Variants in MYO3A observed in about 807,000 individuals in gnomAD.
The protein encoded by MYO3A is myosin IIIA, also known as myosin-IIIa.
Under a neutral mutation model 192.7 loss-of-function variants are expected in MYO3A, and 180 were observed. The ratio of observed to expected loss-of-function variants is 0.93; its 90% confidence interval spans 0.83 to 1.06. MYO3A has a LOEUF of 1.06. MYO3A is among the 50% of genes least tolerant of loss of function. The probability of loss-of-function intolerance (pLI) is 0.00; values close to 1 mark genes in which losing one functional copy is unlikely to be tolerated. For missense variants in MYO3A, 1,896 were observed against 1,905.0 expected, an observed-to-expected ratio of 1.00 and a Z score of 0.09; for synonymous variants, 628 against 645.3, an observed-to-expected ratio of 0.97 and a Z score of 0.41.
At chr10:25,954,113 CT>C (rs1011883842) in intron 3 of MYO3A, among the ~76,000 whole-genome samples, 2 of 152,054 alleles carry the variant, frequency 1.3e-5, no homozygotes, top group African/African-American at 4.8e-5. Context: ...CAGGGCTTAA[CT>C]TTATGCCTTT....
chr10:26,204,759 G>T (rs1843833072), intron 34 of MYO3A, among the ~76,000 whole-genome samples: 1 of 152,220 alleles, frequency 6.6e-6, no homozygotes, highest in African/African-American at 2.4e-5. Context: ...TGAAGAAGGG[G>T]TGGATAGAAT....
intron 15 of MYO3A, among the ~76,000 whole-genome samples, chr10:26,095,966 A>G (rs747769759): frequency 2.0e-5 from 3 of 152,200 alleles, no homozygotes; most frequent in African/African-American, 2.4e-5. Flanking sequence ...GAAACACATG[A>G]CCACCTCAGG....
chr10:26,180,330 C>T (rs1352363768), intron 31 of MYO3A, among the ~76,000 whole-genome samples: 2 of 152,154 alleles, frequency 1.3e-5, no homozygotes, highest in African/African-American at 2.4e-5. Context: ...ATGTAAAACT[C>T]TTACTAAACC....
At chr10:26,070,049 A>G in intron 12 of MYO3A, 62 bp from the exon 13 acceptor site, 1 of 1,226,308 alleles carries the variant, frequency 8.2e-7, no homozygotes, top group Admixed American at 2.0e-5. Flanking sequence ...TATATTTGTA[A>G]ATAATTCAGG....
intron 20 of MYO3A, among the ~76,000 whole-genome samples, chr10:26,130,044 AC>A (rs1453117474): frequency 6.6e-6 from 1 of 151,862 alleles, no homozygotes; most frequent in African/African-American, 2.4e-5. Context: ...TTTAGCCTTA[AC>A]CAAGGTACAG....
intron 14 of MYO3A, among the ~76,000 whole-genome samples, chr10:26,084,954 T>C (rs1179670925): frequency 6.6e-6 from 1 of 152,194 alleles, no homozygotes; most frequent in Non-Finnish European, 1.5e-5. Context: ...TTGTTTTTGG[T>C]CTGTTCAGGC....
chr10:26,145,749 G>A (rs1840425478), intron 22 of MYO3A, among the ~76,000 whole-genome samples: 1 of 152,012 alleles, frequency 6.6e-6, no homozygotes, highest in South Asian at 2.1e-4. Flanking sequence ...CCCACTCCAG[G>A]GCATGCGCTT....
rs986809694 is a variant in MYO3A, at chr10:26,007,256, C to T, written c.509-9564C>T. On this transcript the variant is annotated intron_variant, in intron 6 of 34. Coordinates refer to ENST00000642920, the MANE Select transcript of MYO3A (RefSeq NM_017433.5). ...TCAAAATAATAAGAGCTATCTATGA[C>T]AAACCCACAGCCAATATCATACTGA... 2.0e-5 allele frequency among the ~76,000 whole-genome samples: 3 copies of T among 150,624 alleles called. No homozygotes were observed. In the South Asian group the frequency reaches 6.3e-4, roughly 31 times the overall value.
chr10:26,039,207 ATTTTTTTTTTTTT>A (rs34416918), intron 10 of MYO3A, among the ~76,000 whole-genome samples: 30 of 106,846 alleles, frequency 2.8e-4, no homozygotes, highest in African/African-American at 1.2e-3. Context: ...GGCTCGGCTA[ATTTTTTTTTTTTT>A]TTTTTTTTTT....
chr10:26,062,530 A>AAAAAAAACAAAAAAAACAAAAAAAAACG (rs1554816581), intron 10 of MYO3A, among the ~76,000 whole-genome samples: 62 of 125,994 alleles, frequency 4.9e-4, no homozygotes, highest in Non-Finnish European at 7.5e-4. Context: ...AAAAAAAAAA[A>AAAAAAAACAAAAAAAACAAAAAAAAACG]AAATTATGGA....
In MYO3A at chr10:26,170,494, C is replaced by G; in HGVS notation, c.3353C>G (p.Thr1118Ser). 1.2e-6 allele frequency: 2 copies of G among 1,613,200 alleles called. No homozygotes were observed. The highest frequency in any genetic ancestry group is 1.7e-6 in the Non-Finnish European group (2 of 1,179,602). The change falls in exon 29 of 35, where the codon ACT (threonine) becomes AGT (serine). Residue 1118 changes from threonine (T) to serine (S), a missense_variant. By Grantham distance (58) the Thr-to-Ser change is moderately conservative (BLOSUM62 1). Coordinates refer to ENST00000642920, the MANE Select transcript of MYO3A (RefSeq NM_017433.5). ...MKNTAVTTIQTSDQEFDYKKN... is the reference protein window; with the variant it reads ...MKNTAVTTIQSSDQEFDYKKN... The stretch of plus-strand genomic sequence containing the variant: ...AACACAGCAGTAACAACCATTCAAA[C>G]TTCTGATCAGGAATTCGACTACAAG...
At chr10:26,118,452 C>T (rs942839320) in intron 17 of MYO3A, among the ~76,000 whole-genome samples, 5 of 152,080 alleles carry the variant, frequency 3.3e-5, no homozygotes, top group African/African-American at 1.2e-4. Context: ...CTGTTATATC[C>T]AAGCCACTGT....
chr10:26,062,530 A>AAAAAAAAAAAAAAACG lies in MYO3A; in HGVS notation c.954-4442_954-4441insAAAAAAAAAAACGAAA, dbSNP rs1554816581. ...GATGCCATCTCAAAAAAAAAAAAAA[A>AAAAAAAAAAAAAAACG]AAATTATGGAGGAATCTAATTAAGA... is the stretch of plus-strand genomic sequence containing the variant. On this transcript the variant is annotated intron_variant, in intron 10 of 34. Transcript: ENST00000642920. Among the ~76,000 whole-genome samples, 72 of 125,988 alleles carry AAAAAAAAAAAAAAACG rather than the reference A, an allele frequency of 5.7e-4. 1 individual carries two copies. Among genetic ancestry groups the AAAAAAAAAAAAAAACG allele is most frequent in the African/African-American group, 9.2e-4 (32 of 34,970 alleles). 82.7% of individuals were successfully genotyped at this position (125,988 alleles called of 152,430 possible).
At chr10:26,067,101 A>G in intron 11 of MYO3A, 27 bp downstream of exon 11, 4 of 1,432,072 alleles carry the variant, frequency 2.8e-6, no homozygotes, top group Non-Finnish European at 3.9e-6. Context: ...AATTAAACTT[A>G]GACATTCCAG....
chr10:26,146,177 T>C (rs535278102), intron 22 of MYO3A, among the ~76,000 whole-genome samples: 4 of 152,338 alleles, frequency 2.6e-5, no homozygotes, highest in Non-Finnish European at 5.9e-5. Flanking sequence ...AGATTTGTTG[T>C]CCTAGACCCA....
At chr10:25,967,180 A>G (rs923713813) in intron 4 of MYO3A, among the ~76,000 whole-genome samples, 1 of 152,252 alleles carries the variant, frequency 6.6e-6, no homozygotes, top group Non-Finnish European at 1.5e-5. Flanking sequence ...ACATAAAAAT[A>G]TTTAACTGAA....
chr10:26,082,507 T>C (rs1836023817), intron 14 of MYO3A, among the ~76,000 whole-genome samples: 1 of 152,192 alleles, frequency 6.6e-6, no homozygotes, highest in South Asian at 2.1e-4. Flanking sequence ...ACAGGTAGGA[T>C]CATGTTATCT....
intron 31 of MYO3A, among the ~76,000 whole-genome samples, chr10:26,180,713 CA>C (rs35539016): frequency 0.23 from 31,078 of 133,104 alleles, 3,658 homozygotes; most frequent in African/African-American, 0.35. Flanking sequence ...GAAATAATAG[CA>C]AAAAAAAAAA....
chr10:26,147,465 CAG>C lies in MYO3A; in HGVS notation c.2545_2546del (p.Asp849HisfsTer5). 4 of 1,613,858 alleles carry C rather than the reference CAG, an allele frequency of 2.5e-6. No homozygotes were observed. The highest frequency in any genetic ancestry group is 3.4e-6 in the Non-Finnish European group (4 of 1,179,808). On this transcript the variant is annotated frameshift_variant, in exon 23 of 35. Coordinates refer to ENST00000642920, the MANE Select transcript of MYO3A (RefSeq NM_017433.5). LOFTEE classifies it high-confidence loss of function. Reference protein sequence around the residue: ...YNASGFLAKNRDTLPTDIVLL... With the variant: ...YNASGFLAKNXDTLPTDIVLL... Reference sequence around the variant, plus strand: ...ATGCAAGTGGATTCTTAGCCAAAAACAGAGACACTCTTCCTACTGACATTGTG... The same window carrying C: ...ATGCAAGTGGATTCTTAGCCAAAAACAGACACTCTTCCTACTGACATTGTG...
Sources: gnomAD v4.1 joint callset for allele counts (sites outside exome capture counted in the v4.1 genomes callset) on GRCh38, gnomAD v4.1.1 for gene constraint, MANE v1.5 for transcripts, NCBI Gene and HGNC (gene_info 2026-07-23, HGNC 2026-07-21) for gene names.